The following CHST15 variants were observed in gnomAD, a reference collection of about 807,000 sequenced individuals.
CHST15 encodes the protein carbohydrate sulfotransferase 15, also known as B cell RAG associated protein (GALNAC4S-6ST).
Under a neutral mutation model 53.6 loss-of-function variants are expected in CHST15, and 30 were observed. That is an observed-to-expected ratio of 0.56 (90% confidence interval 0.42 to 0.76). The LOEUF (loss-of-function observed/expected upper bound fraction) is 0.76, where lower values mean the gene tolerates loss of function less well. Among genes scored for constraint, CHST15 ranks in the 30% least tolerant of loss-of-function variants. The probability of loss-of-function intolerance (pLI) is 0.00; values close to 1 mark genes in which losing one functional copy is unlikely to be tolerated. For missense variants in CHST15, 627 were observed against 740.5 expected (o/e 0.85, Z 1.78); for synonymous variants, 296 against 289.8 (o/e 1.02, Z -0.22).
At chr10:124,060,095 G>C (rs1231258309) in intron 1 of CHST15, among the ~76,000 whole-genome samples, 6 of 152,040 alleles carry the variant, frequency 3.9e-5, no homozygotes, top group African/African-American at 1.5e-4. Flanking sequence ...AGTGTGCAGA[G>C]GTGTGCCAGC....
chr10:124,014,202 T>C (rs1286262734), intron 6 of CHST15, among the ~76,000 whole-genome samples: 3 of 152,204 alleles, frequency 2.0e-5, no homozygotes, highest in East Asian at 3.8e-4. Flanking sequence ...GACCTTGACC[T>C]TGAGGGCAGG....
chr10:124,032,635 A>G (rs758981149), intron 5 of CHST15, among the ~76,000 whole-genome samples: 16 of 152,186 alleles, frequency 1.1e-4, no homozygotes, highest in South Asian at 6.2e-4. Context: ...TCTGCTTGCA[A>G]TTGGTGGCTT....
At chr10:124,028,510 G>A (rs547450513) in intron 5 of CHST15, among the ~76,000 whole-genome samples, 1 of 152,218 alleles carries the variant, frequency 6.6e-6, no homozygotes, top group East Asian at 1.9e-4. Flanking sequence ...TGAACAATTC[G>A]CCAGTTTTTA....
chr10:124,077,397 T>C (rs532901340), intron 1 of CHST15, among the ~76,000 whole-genome samples: 14 of 152,338 alleles, frequency 9.2e-5, no homozygotes, highest in South Asian at 6.2e-4. Context: ...TGGGGCCCTT[T>C]AACTCATCAC....
At chr10:124,040,708 A>G (rs957514489) in intron 4 of CHST15, among the ~76,000 whole-genome samples, 3 of 152,268 alleles carry the variant, frequency 2.0e-5, no homozygotes, top group Non-Finnish European at 4.4e-5. Flanking sequence ...AGAGTCCAGG[A>G]ACAGGAAAAA....
At position 124,021,244 on chromosome 10, in the gene CHST15, G is replaced by GGC; in HGVS notation, c.1347+11_1347+12insGC. ...GGCCAGCTCGGGGGGTACGGGGGGG[G>GGC]GGGGTACACACAGGCATGGCGTTGT... On this transcript the variant is annotated intron_variant, in intron 6 of 7. Coordinates refer to ENST00000435907, the MANE Select transcript of CHST15 (RefSeq NM_001270764.2). 3 of 1,570,474 alleles carry GGC rather than the reference G, an allele frequency of 1.9e-6. No homozygotes were observed. Among genetic ancestry groups the GGC allele is most frequent in the Non-Finnish European group, 2.6e-6 (3 of 1,150,016 alleles).
intron 4 of CHST15, 120 bp from the exon 5 acceptor site, chr10:124,038,791 A>C: frequency 9.6e-7 from 1 of 1,041,594 alleles, no homozygotes; most frequent in Non-Finnish European, 1.4e-6. Context: ...GGGAGAGGCC[A>C]AGCTGTCAGC....
Position 124,040,749 on chromosome 10 carries a change from T to A in CHST15, c.1033+1552A>T, listed in dbSNP as rs114172951. The stretch of plus-strand genomic sequence containing the variant: ...GGCCGCAAGGCACAGAGCTGGCCGC[T>A]GGCCCAAGCAGGGCTAGATACTTGT... On this transcript the variant is annotated intron_variant, in intron 4 of 7. Transcript: ENST00000435907. Among the ~76,000 whole-genome samples the A allele has an allele frequency of 4.6e-3, 708 of 152,380 alleles. 3 individuals carry two copies. Among genetic ancestry groups the A allele is most frequent in the African/African-American group, 0.016 (666 of 41,594 alleles).
At chr10:124,016,927 A>G (rs2133840641) in intron 6 of CHST15, among the ~76,000 whole-genome samples, 1 of 152,294 alleles carries the variant, frequency 6.6e-6, no homozygotes, top group East Asian at 1.9e-4. Flanking sequence ...CTTATGGCTC[A>G]GTTTCAGCTG....
At position 124,035,553 on chromosome 10, in the gene CHST15, T is replaced by C. The variant is rs1025449242; in HGVS notation, c.1190+2962A>G. Among the ~76,000 whole-genome samples, 7 of 149,628 alleles carry C rather than the reference T, an allele frequency of 4.7e-5. No individual in the cohort carries two copies. In the East Asian group the frequency reaches 1.4e-3, roughly 30 times the overall value. On this transcript the variant is annotated intron_variant, in intron 5 of 7. Coordinates refer to ENST00000435907, the MANE Select transcript of CHST15 (RefSeq NM_001270764.2). ...TGGCTCCGCCCCCTAACAGGGACCC[T>C]GGTTCCACCCCTAACAGGGACCCTG...
chr10:124,044,521 G>A, intron 3 of CHST15, 59 bp downstream of exon 3: 14 of 1,360,660 alleles, frequency 1.0e-5, no homozygotes, highest in Non-Finnish European at 1.4e-5. Flanking sequence ...TAACGTTGCG[G>A]GAGGAATGAA....
In CHST15 at chr10:124,014,118, G is replaced by T. The variant is rs75302366; in HGVS notation, c.1348-1638C>A. ...CATGCAGCACTTCCTGGCTCCCCAG[G>T]CTCCTCCCTGGAGTTCCCATTTTTT... is the stretch of plus-strand genomic sequence containing the variant. On this transcript the variant is annotated intron_variant, in intron 6 of 7. Transcript: ENST00000435907. 4.8e-3 allele frequency among the ~76,000 whole-genome samples: 735 copies of T among 152,264 alleles called. 4 individuals are homozygous for T. The highest frequency in any genetic ancestry group is 0.015 in the African/African-American group (607 of 41,540).
At chr10:124,033,097 T>C (rs1354649858) in intron 5 of CHST15, among the ~76,000 whole-genome samples, 1 of 152,210 alleles carries the variant, frequency 6.6e-6, no homozygotes, top group Non-Finnish European at 1.5e-5. Context: ...AGGATCCCGT[T>C]AGACTGATGG....
At chr10:124,070,281 G>C (rs766306385) in intron 1 of CHST15, among the ~76,000 whole-genome samples, 1 of 152,172 alleles carries the variant, frequency 6.6e-6, no homozygotes, top group African/African-American at 2.4e-5. Flanking sequence ...GCCCACCTAC[G>C]GGGATGTCAC....
At chr10:124,080,547 C>T (rs940151292) in intron 1 of CHST15, among the ~76,000 whole-genome samples, 1 of 152,194 alleles carries the variant, frequency 6.6e-6, no homozygotes, top group African/African-American at 2.4e-5. Flanking sequence ...CTGCTAGATC[C>T]CCAGCTCCTA....
intron 1 of CHST15, among the ~76,000 whole-genome samples, chr10:124,084,917 C>T (rs1406552469): frequency 3.9e-5 from 6 of 152,176 alleles, no homozygotes; most frequent in Admixed American, 6.5e-5. Flanking sequence ...CGCCCTGAGC[C>T]GCTGCAGCTA....
rs527350286 is a variant in CHST15 at position 124,027,041 on chromosome 10, C to A, written c.1191-5629G>T. 1.2e-3 allele frequency among the ~76,000 whole-genome samples: 184 copies of A among 152,316 alleles called. 1 individual carries two copies. The highest frequency in any genetic ancestry group is 4.3e-3 in the African/African-American group (180 of 41,570). ...CCAGCCCCCTCCAGCTGAGCCACCTCATTTTCTTACTCTCAAACCATCCCG... is the reference window on the plus strand; with the variant it reads ...CCAGCCCCCTCCAGCTGAGCCACCTAATTTTCTTACTCTCAAACCATCCCG... On this transcript the variant is annotated intron_variant, in intron 5 of 7. Transcript: ENST00000435907.
intron 1 of CHST15, among the ~76,000 whole-genome samples, chr10:124,069,002 T>C (rs1948830961): frequency 1.3e-5 from 2 of 152,246 alleles, no homozygotes; most frequent in African/African-American, 4.8e-5. Flanking sequence ...TGCTTTAGCA[T>C]GTCTCTGTCT....
At chr10:124,047,786 C>T (rs1590268797) in intron 1 of CHST15, among the ~76,000 whole-genome samples, 2 of 152,332 alleles carry the variant, frequency 1.3e-5, no homozygotes, top group Middle Eastern at 6.8e-3. Flanking sequence ...ATAATAGCAT[C>T]ATCAACTATT....
Sources: gnomAD v4.1 joint callset for allele counts (sites outside exome capture counted in the v4.1 genomes callset) on GRCh38, gnomAD v4.1.1 for gene constraint, MANE v1.5 for transcripts, NCBI Gene and HGNC (gene_info 2026-07-23, HGNC 2026-07-21) for gene names.